The following CYBRD1 variants were observed in gnomAD, a reference collection of about 807,000 sequenced individuals.
CYBRD1 encodes the protein plasma membrane ascorbate-dependent reductase CYBRD1.
Under a neutral mutation model 21.9 loss-of-function variants are expected in CYBRD1, and 14 were observed. The ratio of observed to expected loss-of-function variants is 0.64; its 90% CI spans 0.42 to 1.00. The LOEUF is 1.00. Ranked by LOEUF, CYBRD1 falls within the 50% of genes least tolerant of loss-of-function variation. The pLI is 0.00. For synonymous variants in CYBRD1, 146 were observed against 136.5 expected (o/e 1.07, Z -0.48); for missense variants, 328 against 352.5 (o/e 0.93, Z 0.56).
rs2105350259 is a variant in CYBRD1, at chr2:171,556,650, A to T, written c.*1823A>T. 1 of 152,268 alleles carries T rather than the reference A, an allele frequency of 6.6e-6. No individual in the cohort carries two copies. The highest frequency in any genetic ancestry group is 3.4e-3 in the Middle Eastern group (1 of 294). The allele number at this position is 152,268 out of a possible 1,614,324, so 9.4% of individuals were successfully genotyped here. On this transcript the variant is annotated 3_prime_UTR_variant, in exon 4 of 4. Coordinates refer to ENST00000321348, the MANE Select transcript of CYBRD1 (RefSeq NM_024843.4). ...TAAACTTCATGAAAAACCATTCAAG[A>T]TCCCCTTGCTGCAACACTGTTCTCT... is the stretch of plus-strand genomic sequence containing the variant.
intron 1 of CYBRD1, chr2:171,539,928 A>C (rs1342707458): frequency 6.6e-6 from 1 of 152,122 alleles, no homozygotes; most frequent in Non-Finnish European, 1.5e-5. Context: ...ACAGGGTTTC[A>C]CCATGTTGGT....
upstream of CYBRD1, chr2:171,522,323 G>A: frequency 1.3e-6 from 2 of 1,526,540 alleles, no homozygotes; most frequent in Non-Finnish European, 1.8e-6. The surrounding 1 kb of genome is among the most constrained non-coding windows in gnomAD (Gnocchi z 4.3). Context: ...CGCCCTCGGC[G>A]GCCGCGTGAT....
chr2:171,548,037 T>C (rs1697742443), intron 2 of CYBRD1, among the ~76,000 whole-genome samples: 1 of 152,314 alleles, frequency 6.6e-6, no homozygotes, highest in South Asian at 2.1e-4. Flanking sequence ...GGAGACTTAA[T>C]GACCAGTTTG....
At chr2:171,545,856 T>G (rs1470074431) in intron 2 of CYBRD1, among the ~76,000 whole-genome samples, 2 of 152,184 alleles carry the variant, frequency 1.3e-5, no homozygotes, top group African/African-American at 2.4e-5. Context: ...AGTTCTTCTC[T>G]TCTAGGTATT....
At chr2:171,523,623 G>A (rs774069884) in intron 1 of CYBRD1, among the ~76,000 whole-genome samples, 1 of 152,188 alleles carries the variant, frequency 6.6e-6, no homozygotes, top group Non-Finnish European at 1.5e-5. Flanking sequence ...CTGCGTCCGT[G>A]TTTGGCCCGC....
chr2:171,531,250 G>C (rs1697461466), intron 1 of CYBRD1, among the ~76,000 whole-genome samples: 1 of 151,436 alleles, frequency 6.6e-6, no homozygotes. Flanking sequence ...GCTTTGAAAT[G>C]ACTATACAGA....
In CYBRD1 at chr2:171,523,563, G is replaced by A. The variant is rs182086257; in HGVS notation, c.193+825G>A. On this transcript the variant is annotated intron_variant, in intron 1 of 3. Transcript: ENST00000321348. Reference sequence around the variant, plus strand: ...TGGGAGATGCCCGGAGAGGGCCCGCGGCTGCCTGGCACCGAGGGATGCCTC... The same window carrying A: ...TGGGAGATGCCCGGAGAGGGCCCGCAGCTGCCTGGCACCGAGGGATGCCTC... 3.7e-3 allele frequency among the ~76,000 whole-genome samples: 558 copies of A among 152,312 alleles called. 3 individuals carry two copies. The highest frequency in any genetic ancestry group is 0.012 in the African/African-American group (507 of 41,564).
At chr2:171,529,415 CAGCT>C (rs1226350136) in intron 1 of CYBRD1, among the ~76,000 whole-genome samples, 1 of 151,408 alleles carries the variant, frequency 6.6e-6, no homozygotes, top group Non-Finnish European at 1.5e-5. Flanking sequence ...CCTGTAATCC[CAGCT>C]ACCCAGGAGG....
chr2:171,537,771 G>C (rs1026495777), intron 1 of CYBRD1, among the ~76,000 whole-genome samples: 1 of 152,216 alleles, frequency 6.6e-6, no homozygotes, highest in East Asian at 1.9e-4. Context: ...ATAAGTTCTA[G>C]TGTTCTATAT....
upstream of CYBRD1, chr2:171,522,439 G>A (rs977012912): frequency 6.5e-7 from 1 of 1,528,934 alleles, no homozygotes; most frequent in Admixed American, 2.1e-5. The surrounding 1 kb of genome is among the most constrained non-coding windows in gnomAD (Gnocchi z 4.3). Context: ...GGCGGAGACA[G>A]CCCCAAGAAG....
At chr2:171,550,800 A>T (rs1038268602) in intron 2 of CYBRD1, among the ~76,000 whole-genome samples, 2 of 152,200 alleles carry the variant, frequency 1.3e-5, no homozygotes, top group Non-Finnish European at 2.9e-5. Flanking sequence ...ATGACAAATT[A>T]TGGAGGAAAT....
In CYBRD1 at chr2:171,556,577, G is replaced by A. The variant is rs1417228001; in HGVS notation, c.*1750G>A. Reference sequence around the variant, plus strand: ...TAGTGGATTTCTTTTTAGGTAACTGGTACTTACTTCCAAAGACTGAATACA... The same window carrying A: ...TAGTGGATTTCTTTTTAGGTAACTGATACTTACTTCCAAAGACTGAATACA... On this transcript the variant is annotated 3_prime_UTR_variant, in exon 4 of 4. Transcript: ENST00000321348. 2.0e-5 allele frequency: 3 copies of A among 151,920 alleles called. No homozygotes were observed. Among genetic ancestry groups the A allele is most frequent in the African/African-American group, 7.3e-5 (3 of 41,362 alleles). 9.4% of individuals were successfully genotyped at this position (151,920 alleles called of 1,614,324 possible). A position where few individuals can be genotyped will look rare whatever the true frequency, so the allele number is the denominator to read the frequency against.
chr2:171,541,445 G>A, intron 1 of CYBRD1, 140 bp from the exon 2 acceptor site: 1 of 773,634 alleles, frequency 1.3e-6, no homozygotes, highest in Non-Finnish European at 2.2e-6. Context: ...AGAGGCAGGG[G>A]TAACATGGGG....
intron 3 of CYBRD1, 59 bp from the exon 4 acceptor site, chr2:171,554,465 C>T (rs1683445823): frequency 1.3e-6 from 2 of 1,568,386 alleles, no homozygotes; most frequent in Non-Finnish European, 8.8e-7. Context: ...AAATTCAAGA[C>T]TGTTTTGCAT....
At chr2:171,534,290 C>A (rs1297562417) in intron 1 of CYBRD1, among the ~76,000 whole-genome samples, 2 of 152,294 alleles carry the variant, frequency 1.3e-5, no homozygotes, top group East Asian at 3.9e-4. Context: ...TGTTTTATAC[C>A]ATTTCCCCTT....
At chr2:171,523,706 A>C (rs1473505531) in intron 1 of CYBRD1, among the ~76,000 whole-genome samples, 1 of 134,330 alleles carries the variant, frequency 7.4e-6, no homozygotes, top group Admixed American at 7.5e-5. Flanking sequence ...GTCGCTGGCA[A>C]TGTTTGTTGT....
At chr2:171,525,195 C>G (rs537100737) in intron 1 of CYBRD1, among the ~76,000 whole-genome samples, 1 of 152,200 alleles carries the variant, frequency 6.6e-6, no homozygotes, top group East Asian at 1.9e-4. Context: ...ACCTCGGCCC[C>G]CCAGACTGCT....
chr2:171,551,299 G>A (rs1683367686), intron 2 of CYBRD1, among the ~76,000 whole-genome samples: 2 of 152,100 alleles, frequency 1.3e-5, no homozygotes, highest in Non-Finnish European at 2.9e-5. Context: ...CTTGCCCTTT[G>A]ATACTAATAG....
chr2:171,553,203 A>G, intron 2 of CYBRD1, 143 bp from the exon 3 acceptor site: 1 of 878,548 alleles, frequency 1.1e-6, no homozygotes, highest in Non-Finnish European at 1.7e-6. Flanking sequence ...TAGGTAGTGG[A>G]ACTGGAGCGA....
Sources: allele counts gnomAD v4.1 joint callset (sites outside exome capture counted in the v4.1 genomes callset), GRCh38; gene constraint gnomAD v4.1.1; non-coding constraint Gnocchi (gnomAD v3.1); transcripts MANE v1.5; gene names NCBI Gene and HGNC (gene_info 2026-07-23, HGNC 2026-07-21).